NAV1: variants seen among roughly 807,000 people sequenced by gnomAD.
The protein encoded by NAV1 is pore membrane and/or filament interacting like protein 3.
A neutral mutation model predicts 175.2 loss-of-function variants in NAV1; 18 were observed. The ratio of observed to expected loss-of-function variants is 0.10; its 90% CI spans 0.07 to 0.15. NAV1 has a LOEUF of 0.15. NAV1 is among the 10% of genes least tolerant of loss of function. NAV1 has a pLI of 1.00. For missense variants in NAV1, 1,731 were observed against 2,436.6 expected (o/e 0.71, Z 6.10); for synonymous variants, 897 against 978.7 (o/e 0.92, Z 1.56).
At chr1:201,754,154 A>G (rs888870751) in intron 3 of NAV1, among the ~76,000 whole-genome samples, 4 of 152,174 alleles carry the variant, frequency 2.6e-5, no homozygotes, top group African/African-American at 9.7e-5. Context: ...ACAAGTATTT[A>G]TGGAGAATCT....
At chr1:201,781,301 A>G (rs1558156334) in exon 5 of NAV1, 19 of 1,607,796 alleles carry the variant, frequency 1.2e-5, no homozygotes, top group Non-Finnish European at 1.5e-5. Context: ...AGTGCCCTCA[A>G]AGTCGCAGGT....
At chr1:201,679,591 A>G (rs1211270190) in intron 1 of NAV1, among the ~76,000 whole-genome samples, 1 of 152,178 alleles carries the variant, frequency 6.6e-6, no homozygotes, top group Non-Finnish European at 1.5e-5. Context: ...CAGTCACCAG[A>G]TACTTCACGT....
At chr1:201,758,207 T>C (rs1432882128) in intron 3 of NAV1, among the ~76,000 whole-genome samples, 1 of 152,238 alleles carries the variant, frequency 6.6e-6, no homozygotes, top group Non-Finnish European at 1.5e-5. Context: ...AAAGAGTGCC[T>C]GTCCCACCAC....
chr1:201,627,196 A>G (rs896509261), intron 1 of NAV1, among the ~76,000 whole-genome samples: 1 of 152,032 alleles, frequency 6.6e-6, no homozygotes, highest in Non-Finnish European at 1.5e-5. Flanking sequence ...TTGGGCTCAA[A>G]CAATTCTCCT....
chr1:201,654,361 A>G (rs1023660349), intron 1 of NAV1, among the ~76,000 whole-genome samples: 1 of 151,838 alleles, frequency 6.6e-6, no homozygotes, highest in Non-Finnish European at 1.5e-5. Flanking sequence ...TCTCTGCCCA[A>G]TTTGATACTG....
At chr1:201,620,509 A>G (rs1393630386), upstream of NAV1, among the ~76,000 whole-genome samples, 1 of 119,476 alleles carries the variant, frequency 8.4e-6, no homozygotes, top group Admixed American at 1.1e-4. Context: ...TTCAGGCTGG[A>G]GTGCAGTGGC....
intron 28 of NAV1, among the ~76,000 whole-genome samples, chr1:201,815,178 T>C (rs1414103961): frequency 1.3e-5 from 2 of 151,800 alleles, no homozygotes; most frequent in African/African-American, 4.8e-5. Context: ...CATCCATCAG[T>C]AGATGAATGG....
chr1:201,809,084 T>C, intron 20 of NAV1, 80 bp from the exon 25 acceptor site: 1 of 1,448,454 alleles, frequency 6.9e-7, no homozygotes, highest in South Asian at 1.2e-5. Flanking sequence ...CAGAGTTATT[T>C]TGGAAAGGAT....
At chr1:201,603,719 G>A (rs951288687) in intron 2 of NAV1, among the ~76,000 whole-genome samples, 3 of 152,144 alleles carry the variant, frequency 2.0e-5, no homozygotes, top group South Asian at 2.1e-4. Context: ...GACATCTACC[G>A]GGTCAGTGAG....
rs138836815 is a variant in NAV1, at chr1:201,585,873, G to T, written c.-143-2666G>T. Among the ~76,000 whole-genome samples, 700 of 152,304 alleles carry T rather than the reference G, an allele frequency of 4.6e-3. 7 individuals carry two copies. Among genetic ancestry groups the T allele is most frequent in the African/African-American group, 0.016 (649 of 41,566 alleles). On this transcript the variant is annotated intron_variant, in intron 1 of 33. Transcript: ENST00000685211. Reference sequence around the variant, plus strand: ...ATCTGTGTGCAATATTGATAGGAATGTAAATTGGTGCAACAGCTATAGAAA... The same window carrying T: ...ATCTGTGTGCAATATTGATAGGAATTTAAATTGGTGCAACAGCTATAGAAA...
intron 1 of NAV1, among the ~76,000 whole-genome samples, chr1:201,703,338 C>T (rs1026139916): frequency 6.6e-6 from 1 of 152,198 alleles, no homozygotes; most frequent in South Asian, 2.1e-4. Flanking sequence ...CCCTCTGAGC[C>T]CAGCCCGGAA....
At chr1:201,814,684 T>G (rs538941832) in intron 28 of NAV1, among the ~76,000 whole-genome samples, 5 of 152,222 alleles carry the variant, frequency 3.3e-5, no homozygotes, top group Non-Finnish European at 5.9e-5. Flanking sequence ...TGCATTATTA[T>G]TAGTAGCTTT....
In NAV1 at chr1:201,694,102, T is replaced by G. The variant is rs1181819811; in HGVS notation, c.758-18715T>G. Among the ~76,000 whole-genome samples, 1 of 152,222 alleles carries G rather than the reference T, an allele frequency of 6.6e-6. No individual in the cohort carries two copies. Among genetic ancestry groups the G allele is most frequent in the Non-Finnish European group, 1.5e-5 (1 of 68,036 alleles). On this transcript the variant is annotated intron_variant, in intron 1 of 29. Transcript: ENST00000367296. This position sits in a 1 kb window ranked among gnomAD's most constrained non-coding sequence, Gnocchi z 4.2. ...ATTCAGTCAAGACTCTGCTCACGCC[T>G]GTCCCCAGGAGCAAAGCCTTGGCCC... is the stretch of plus-strand genomic sequence containing the variant.
chr1:201,545,621 G>A (rs1323376583), intron 1 of NAV1, among the ~76,000 whole-genome samples: 1 of 152,146 alleles, frequency 6.6e-6, no homozygotes, highest in Non-Finnish European at 1.5e-5. Flanking sequence ...TTAAATGCTA[G>A]TTTCTCTTCT....
At chr1:201,674,857 T>C (rs1670181759) in intron 1 of NAV1, among the ~76,000 whole-genome samples, 1 of 151,828 alleles carries the variant, frequency 6.6e-6, no homozygotes, top group South Asian at 2.1e-4. Context: ...GCCAACATGG[T>C]GAAACCCAAT....
chr1:201,736,319 A>C (rs555501793), intron 3 of NAV1, among the ~76,000 whole-genome samples: 1 of 152,264 alleles, frequency 6.6e-6, no homozygotes, highest in East Asian at 1.9e-4. Flanking sequence ...CAGACAGGTG[A>C]CCCTGGAACC....
At chr1:201,605,862 G>A (rs182196314) in intron 2 of NAV1, among the ~76,000 whole-genome samples, 67 of 152,302 alleles carry the variant, frequency 4.4e-4, no homozygotes, top group African/African-American at 1.3e-3. Flanking sequence ...CTGTGGGGGG[G>A]TGTGAGCCCC....
chr1:201,747,587 A>T (rs1286650559), intron 3 of NAV1, among the ~76,000 whole-genome samples: 1 of 152,018 alleles, frequency 6.6e-6, no homozygotes, highest in Non-Finnish European at 1.5e-5. Context: ...CCCTGCTCCT[A>T]TTTATTCCCT....
chr1:201,663,449 T>C (rs1374255151), intron 1 of NAV1, among the ~76,000 whole-genome samples: 1 of 152,112 alleles, frequency 6.6e-6, no homozygotes, highest in Non-Finnish European at 1.5e-5. Context: ...GGGATGAAGA[T>C]TCAGGCCTGA....
Sources: allele counts gnomAD v4.1 joint callset (sites outside exome capture counted in the v4.1 genomes callset), GRCh38; gene constraint gnomAD v4.1.1; non-coding constraint Gnocchi (gnomAD v3.1); transcripts MANE v1.5; gene names NCBI Gene and HGNC (gene_info 2026-07-23, HGNC 2026-07-21).